The following RNF220 variants were observed in gnomAD, a reference collection of about 807,000 sequenced individuals.
RNF220 encodes the protein ring finger protein 220.
RNF220 carries 7 observed loss-of-function variants against 67.1 expected under a neutral mutation model. The observed-to-expected ratio is 0.10, with a 90% CI of 0.06 to 0.20. The LOEUF is 0.20. Among genes scored for constraint, RNF220 ranks in the 10% least tolerant of loss-of-function variants. The pLI is 1.00. For synonymous variants in RNF220, 270 were observed against 283.2 expected (o/e 0.95, Z 0.47); for missense variants, 565 against 740.3 (o/e 0.76, Z 2.75).
At chr1:44,631,103 T>C (rs975317243) in intron 5 of RNF220, among the ~76,000 whole-genome samples, 1 of 152,244 alleles carries the variant, frequency 6.6e-6, no homozygotes, top group Admixed American at 6.5e-5. Context: ...CAGGGCTGAC[T>C]TGCCTTTGCC....
At chr1:44,481,905 A>G (rs1333510479) in intron 2 of RNF220, among the ~76,000 whole-genome samples, 1 of 152,148 alleles carries the variant, frequency 6.6e-6, no homozygotes, top group African/African-American at 2.4e-5. Flanking sequence ...GAGGGATTAG[A>G]CTTCAGTCGT....
Position 44,624,447 on chromosome 1 carries a change from A to G in RNF220, c.804+1660A>G, listed in dbSNP as rs1024103927. On this transcript the variant is annotated intron_variant, in intron 4 of 14. Coordinates refer to ENST00000361799, the MANE Select transcript of RNF220 (RefSeq NM_018150.4). This position sits in a 1 kb window ranked among gnomAD's most constrained non-coding sequence, Gnocchi z 4.2. The stretch of plus-strand genomic sequence containing the variant: ...CACACTCAGGTCAGAATACAGACAT[A>G]GGAAGTCTTAAAACATGTGTCCTGA... 6.6e-6 allele frequency among the ~76,000 whole-genome samples: 1 copy of G among 152,222 alleles called. No homozygotes were observed. Among genetic ancestry groups the G allele is most frequent in the Non-Finnish European group, 1.5e-5 (1 of 68,036 alleles).
intron 2 of RNF220, among the ~76,000 whole-genome samples, chr1:44,492,330 G>A (rs1056465185): frequency 6.6e-6 from 1 of 152,176 alleles, no homozygotes; most frequent in South Asian, 2.1e-4. Flanking sequence ...GTGTAAAATA[G>A]TGTAACCACT....
At position 44,626,515 on chromosome 1, in the gene RNF220, G is replaced by T. The variant is rs1033471484; in HGVS notation, c.906+117G>T. 3 of 792,112 alleles carry T rather than the reference G, an allele frequency of 3.8e-6. No homozygotes were observed. In the South Asian group the frequency reaches 4.7e-5, roughly 12 times the overall value. The allele number at this position is 792,112 out of a possible 1,614,324, so 49.1% of individuals were successfully genotyped here. A position where few individuals can be genotyped will look rare whatever the true frequency, so the allele number is the denominator to read the frequency against. On this transcript the variant is annotated intron_variant, in intron 5 of 14. Transcript: ENST00000361799. ...TAGGCCACAGGAGAGGCCTGAACTG[G>T]GTTTGGTTCCCCCTGTGTCCCGTGC...
chr1:44,494,798 A>T (rs543318365), intron 2 of RNF220, among the ~76,000 whole-genome samples: 1 of 152,324 alleles, frequency 6.6e-6, no homozygotes, highest in East Asian at 1.9e-4. Context: ...ATGTATTATT[A>T]CCTATCAAAA....
At chr1:44,564,066 T>G (rs1663796320) in intron 2 of RNF220, among the ~76,000 whole-genome samples, 2 of 152,232 alleles carry the variant, frequency 1.3e-5, no homozygotes, top group South Asian at 4.1e-4. Flanking sequence ...CTGTAGAGTT[T>G]TACCCAATGG....
chr1:44,642,860 G>T (rs532835741), intron 8 of RNF220, among the ~76,000 whole-genome samples: 27 of 152,322 alleles, frequency 1.8e-4, no homozygotes, highest in African/African-American at 6.3e-4. Flanking sequence ...CTTGGGGAAG[G>T]GGGGTTGGCA....
At position 44,602,932 on chromosome 1, in the gene RNF220, G is replaced by A. The variant is rs1250058226; in HGVS notation, c.626-11233G>A. 5.9e-5 allele frequency among the ~76,000 whole-genome samples: 9 copies of A among 151,936 alleles called. No homozygotes were observed. The East Asian group carries it at 9.7e-4, about 16-fold the overall frequency. On this transcript the variant is annotated intron_variant, in intron 2 of 14. Coordinates refer to ENST00000361799, the MANE Select transcript of RNF220 (RefSeq NM_018150.4). The stretch of plus-strand genomic sequence containing the variant: ...ATTGATTGGAGGAACAGCTGTCACC[G>A]CCCGGCTGCCTGCTCCCTGCCTCCT...
intron 8 of RNF220, among the ~76,000 whole-genome samples, chr1:44,640,704 C>CA (rs1644463305): frequency 6.6e-6 from 1 of 152,216 alleles, no homozygotes; most frequent in Admixed American, 6.5e-5. Flanking sequence ...TGGCAGGTGA[C>CA]ACTGCAGGCC....
chr1:44,474,306 C>T (rs1572614785), intron 2 of RNF220, among the ~76,000 whole-genome samples: 3 of 150,920 alleles, frequency 2.0e-5, no homozygotes, highest in East Asian at 1.9e-4. Flanking sequence ...ACCCGGCAGG[C>T]GGAGGTTGCA....
At chr1:44,488,468 T>C (rs1656542911) in intron 2 of RNF220, among the ~76,000 whole-genome samples, 1 of 152,008 alleles carries the variant, frequency 6.6e-6, no homozygotes, top group African/African-American at 2.4e-5. Context: ...GAGACAGGGT[T>C]TCGCCATGTC....
intron 2 of RNF220, among the ~76,000 whole-genome samples, chr1:44,593,098 A>T (rs1258006258): frequency 6.6e-6 from 1 of 152,182 alleles, no homozygotes; most frequent in East Asian, 1.9e-4. Flanking sequence ...CCAGGAGCAG[A>T]CCATACCCAA....
chr1:44,435,476 C>A (rs1262210496), intron 2 of RNF220, among the ~76,000 whole-genome samples: 1 of 152,190 alleles, frequency 6.6e-6, no homozygotes, highest in African/African-American at 2.4e-5. Context: ...TACCTTGAGA[C>A]TGTGGTCAGT....
chr1:44,465,113 T>A (rs1654153298), intron 2 of RNF220, among the ~76,000 whole-genome samples: 1 of 152,104 alleles, frequency 6.6e-6, no homozygotes, highest in Non-Finnish European at 1.5e-5. Context: ...GAGATGGGGT[T>A]TCAGTTCAAG....
intron 2 of RNF220, among the ~76,000 whole-genome samples, chr1:44,599,366 G>A (rs1325620075): frequency 6.6e-6 from 1 of 152,190 alleles, no homozygotes; most frequent in African/African-American, 2.4e-5. Flanking sequence ...AGCATTGTCT[G>A]AGTGTGGTCT....
intron 2 of RNF220, among the ~76,000 whole-genome samples, chr1:44,548,497 C>CT (rs895094085): frequency 2.0e-5 from 3 of 151,414 alleles, no homozygotes; most frequent in Admixed American, 1.3e-4. Context: ...TTCTTCTTTT[C>CT]TTTTTTTTTC....
intron 3 of RNF220, among the ~76,000 whole-genome samples, chr1:44,618,145 C>T (rs1643639556): frequency 6.6e-6 from 1 of 152,230 alleles, no homozygotes; most frequent in South Asian, 2.1e-4. Flanking sequence ...CTTTGCCCAA[C>T]AGCACAAAGC....
At chr1:44,446,794 T>C (rs933936856) in intron 2 of RNF220, among the ~76,000 whole-genome samples, 9 of 152,252 alleles carry the variant, frequency 5.9e-5, no homozygotes, top group African/African-American at 2.2e-4. Context: ...CCTGACCTCG[T>C]GATCTGCCCA....
chr1:44,412,007 A>T lies in RNF220; in HGVS notation c.-91A>T. The T allele has an allele frequency of 7.1e-7, 1 of 1,410,420 alleles. No homozygotes were observed. The highest frequency in any genetic ancestry group is 9.7e-7 in the Non-Finnish European group (1 of 1,036,114). 87.4% of individuals were successfully genotyped at this position (1,410,420 alleles called of 1,614,324 possible). A position where few individuals can be genotyped will look rare whatever the true frequency, so the allele number is the denominator to read the frequency against. On this transcript the variant is annotated 5_prime_UTR_variant, in exon 2 of 15. An upstream open reading frame in the 5' UTR loses its in-frame stop. Transcript: ENST00000361799. The surrounding 1 kb of genome is among the most constrained non-coding windows in gnomAD (Gnocchi z 5.3). ...TCTTAGGAGGGAATGATTCCCCAGT[A>T]ATATTCCCTGCCCTGACCCAAAGTG...
Sources: gnomAD v4.1 joint callset for allele counts (sites outside exome capture counted in the v4.1 genomes callset) on GRCh38, gnomAD v4.1.1 for gene constraint, Gnocchi (gnomAD v3.1) non-coding constraint, MANE v1.5 for transcripts, NCBI Gene and HGNC (gene_info 2026-07-23, HGNC 2026-07-21) for gene names.